Variants in EQTN observed in about 807,000 individuals in gnomAD.
EQTN encodes the protein equatorin, also known as Acrosome formation associated factor.
Under a neutral mutation model 26.9 loss-of-function variants are expected in EQTN, and 29 were observed. The ratio of observed to expected loss-of-function variants is 1.08; its 90% confidence interval spans 0.80 to 1.47. EQTN has a LOEUF of 1.47. EQTN is among the 40% of genes most tolerant of loss of function. The pLI, the probability that EQTN is intolerant of heterozygous loss-of-function variation, is 0.00. For missense variants in EQTN, 391 were observed against 346.1 expected, an observed-to-expected ratio of 1.13 and a Z score of -1.03; for synonymous variants, 129 against 120.0, an observed-to-expected ratio of 1.07 and a Z score of -0.49.
Position 27,289,711 on chromosome 9 carries a change from C to A in EQTN, c.442G>T (p.Val148Phe). The change falls in exon 6 of 8, where the codon GTC (valine) becomes TTC (phenylalanine). Residue 148 changes from valine to phenylalanine, a missense_variant. Coordinates refer to ENST00000380032, the MANE Select transcript of EQTN (RefSeq NM_020641.3). The part of the protein sequence containing the change: ...LAKAINGTAV[V>F]MDDKDQLFHP... Reference sequence around the variant, plus strand: ...AATAATTGATCTTTATCATCCATGACCACTGCTGTTCCATTTATAGCTGTT... The same window carrying A: ...AATAATTGATCTTTATCATCCATGAACACTGCTGTTCCATTTATAGCTGTT... The A allele has an allele frequency of 6.2e-7, 1 of 1,607,050 alleles. No individual in the cohort carries two copies. Among genetic ancestry groups the A allele is most frequent in the Non-Finnish European group, 8.5e-7 (1 of 1,176,514 alleles).
At chr9:27,289,586 G>T in intron 6 of EQTN, 86 bp downstream of exon 6, 2 of 1,134,230 alleles carry the variant, frequency 1.8e-6, no homozygotes, top group Non-Finnish European at 2.5e-6. Flanking sequence ...CTGGACTCAA[G>T]CGATCCACCT....
At chr9:27,286,437 A>G in intron 6 of EQTN, 75 bp from the exon 7 acceptor site, 1 of 1,430,552 alleles carries the variant, frequency 7.0e-7, no homozygotes, top group African/African-American at 1.4e-5. Flanking sequence ...TTGCAAAGCA[A>G]ATACAGAGAA....
chr9:27,295,169 T>C (rs1942693523), intron 2 of EQTN, among the ~76,000 whole-genome samples: 2 of 152,214 alleles, frequency 1.3e-5, no homozygotes, highest in South Asian at 4.1e-4. Context: ...AGACTAAATG[T>C]TCTCCCACAA....
intron 7 of EQTN, 44 bp from the exon 8 acceptor site, chr9:27,285,016 G>A: frequency 2.6e-6 from 4 of 1,538,096 alleles, no homozygotes; most frequent in Non-Finnish European, 3.5e-6. Flanking sequence ...TTTTAATTGT[G>A]TACATTTGTA....
intron 6 of EQTN, among the ~76,000 whole-genome samples, chr9:27,287,366 C>T (rs10967861): frequency 0.3 from 45,295 of 152,028 alleles, 7,377 homozygotes; most frequent in African/African-American, 0.42. Context: ...AAACAAATTA[C>T]GTTAAAATGG....
intron 2 of EQTN, among the ~76,000 whole-genome samples, chr9:27,296,193 C>T (rs1267047260): frequency 6.6e-6 from 1 of 152,088 alleles, no homozygotes; most frequent in African/African-American, 2.4e-5. Context: ...GTTCCAGCTA[C>T]TCGGAAGGCT....
intron 5 of EQTN, 60 bp from the exon 6 acceptor site, chr9:27,289,791 GTA>G (rs1419040947): frequency 8.0e-7 from 1 of 1,245,274 alleles, no homozygotes; most frequent in East Asian, 2.4e-5. Context: ...TATTGCCTGT[GTA>G]TGTATGTGTA....
intron 6 of EQTN, among the ~76,000 whole-genome samples, chr9:27,287,584 T>A (rs1453718365): frequency 1.3e-5 from 2 of 152,186 alleles, no homozygotes; most frequent in Non-Finnish European, 2.9e-5. Context: ...ATGAAGATAA[T>A]ACCAACTTCA....
chr9:27,294,386 T>G lies in EQTN; in HGVS notation c.219A>C (p.Gln73His). ...KDIKQYVFTT[Q>H]NPNGTESEIS... ...TTTCAGACTCAGTGCCATTTGGATT[T>G]TGTGTTGTGAACACATCTAAAAACA... The change falls in exon 3 of 8, where the codon CAA (glutamine) becomes CAC (histidine). Residue 73 changes from glutamine (Q) to histidine (H), a missense_variant. Coordinates refer to ENST00000380032, the MANE Select transcript of EQTN (RefSeq NM_020641.3). 1 of 1,609,404 alleles carries G rather than the reference T, an allele frequency of 6.2e-7. No individual in the cohort carries two copies. Among genetic ancestry groups the G allele is most frequent in the Non-Finnish European group, 8.5e-7 (1 of 1,176,912 alleles).
chr9:27,289,750 G>A lies in EQTN; in HGVS notation c.422-19C>T. 1.3e-6 allele frequency: 2 copies of A among 1,593,226 alleles called. No individual in the cohort carries two copies. The highest frequency in any genetic ancestry group is 1.7e-6 in the Non-Finnish European group (2 of 1,167,018). Reference sequence around the variant, plus strand: ...TTTATAGCTGTTAAAACAAATTGGGGTTATGGTAAACAACGTTCACTTACT... The same window carrying A: ...TTTATAGCTGTTAAAACAAATTGGGATTATGGTAAACAACGTTCACTTACT... On this transcript the variant is annotated intron_variant, in intron 5 of 7. Transcript: ENST00000380032.
chr9:27,288,981 CA>C (rs1375091054), intron 6 of EQTN, among the ~76,000 whole-genome samples: 1 of 152,092 alleles, frequency 6.6e-6, no homozygotes, highest in East Asian at 1.9e-4. Context: ...CTGTATAATA[CA>C]GAGTGAATCC....
chr9:27,286,087 A>G (rs1248761788), intron 7 of EQTN, 122 bp downstream of exon 7: 4 of 985,606 alleles, frequency 4.1e-6, no homozygotes, highest in Non-Finnish European at 6.0e-6. Context: ...AAATGGAATC[A>G]ATTTGAATGT....
chr9:27,292,123 TG>T (rs1422772198), intron 4 of EQTN: 1 of 191,630 alleles, frequency 5.2e-6, no homozygotes, highest in Non-Finnish European at 1.1e-5. Flanking sequence ...TATACTAATT[TG>T]TAAGTACGTA....
intron 5 of EQTN, 148 bp downstream of exon 5, chr9:27,290,871 T>C (rs1820220689): frequency 2.0e-6 from 1 of 507,080 alleles, no homozygotes; most frequent in Non-Finnish European, 3.4e-6. Flanking sequence ...ATCACCTTTC[T>C]AGGTTTGTTT....
In EQTN at chr9:27,286,276, T is replaced by C. The variant is rs764703741; in HGVS notation, c.568A>G (p.Thr190Ala). The stretch of plus-strand genomic sequence containing the variant: ...AAGAGGACCACAAAGAGGAGGAGGG[T>C]CATCAACGAGATTCCCAGCATTATT... ...IKIMLGISLM[T>A]LLLFVVLLAF... Residue 190 changes from threonine (T) to alanine (A), a missense_variant, in exon 7 of 8, where the codon ACC becomes GCC. Transcript: ENST00000380032. The C allele has an allele frequency of 6.2e-7, 1 of 1,612,976 alleles. No homozygotes were observed. Among genetic ancestry groups the C allele is most frequent in the Non-Finnish European group, 8.5e-7 (1 of 1,179,504 alleles).
At chr9:27,294,998 C>G (rs1587116898) in intron 2 of EQTN, among the ~76,000 whole-genome samples, 1 of 152,186 alleles carries the variant, frequency 6.6e-6, no homozygotes, top group East Asian at 1.9e-4. Context: ...GCACATGTGT[C>G]TCCTCTCTCC....
chr9:27,292,664 A>T (rs987637657), intron 3 of EQTN, among the ~76,000 whole-genome samples, 177 bp from the exon 4 acceptor site: 8 of 152,214 alleles, frequency 5.3e-5, no homozygotes, highest in Admixed American at 2.0e-4. Context: ...GAAGGTATTG[A>T]AGAATAAAGT....
Position 27,292,426 on chromosome 9 carries a change from G to A in EQTN, c.351C>T (p.Ser117=), listed in dbSNP as rs764904472. The A allele has an allele frequency of 2.4e-5, 39 of 1,606,390 alleles. No individual in the cohort carries two copies. The highest frequency in any genetic ancestry group is 3.4e-5 in the Admixed American group (2 of 59,646). The part of the protein sequence containing the change: ...KSTIEEETTT[S]EPSHKNIQRS... ...TTTGAATATTTTTATGAGAGGGTTCGCTAGTAGTTGTTTCTTCTTCAATGG... is the reference window on the plus strand; with the variant it reads ...TTTGAATATTTTTATGAGAGGGTTCACTAGTAGTTGTTTCTTCTTCAATGG... Residue 117 remains serine (S), a synonymous_variant, in exon 4 of 8, where the codon AGC becomes AGT. Coordinates refer to ENST00000380032, the MANE Select transcript of EQTN (RefSeq NM_020641.3).
At chr9:27,294,124 AG>A (rs1236484404) in intron 3 of EQTN, among the ~76,000 whole-genome samples, 191 bp downstream of exon 3, 1 of 152,124 alleles carries the variant, frequency 6.6e-6, no homozygotes, top group East Asian at 1.9e-4. Flanking sequence ...TTTGTGTGGG[AG>A]GAAGTGTGAG....
Sources: gnomAD v4.1 joint callset for allele counts (sites outside exome capture counted in the v4.1 genomes callset) on GRCh38, gnomAD v4.1.1 for gene constraint, MANE v1.5 for transcripts, NCBI Gene and HGNC (gene_info 2026-07-23, HGNC 2026-07-21) for gene names.